Variants in DGKG observed in about 807,000 individuals in gnomAD.
DGKG encodes diacylglycerol kinase gamma.
DGKG carries 78 observed loss-of-function variants against 105.3 expected under a neutral mutation model. The observed-to-expected ratio is 0.74, with a 90% confidence interval of 0.62 to 0.89. DGKG has a LOEUF of 0.89. DGKG is among the 40% of genes least tolerant of loss of function. DGKG has a pLI of 0.00. For missense variants in DGKG, 958 were observed against 1,020.1 expected (o/e 0.94, Z 0.83); for synonymous variants, 346 against 367.1 (o/e 0.94, Z 0.66).
intron 22 of DGKG, among the ~76,000 whole-genome samples, chr3:186,168,772 C>T (rs1360081861): frequency 1.3e-5 from 2 of 152,272 alleles, no homozygotes; most frequent in Admixed American, 1.3e-4. Context: ...ATTGCTTGAA[C>T]CCGGGAGGCA....
chr3:186,328,575 C>CTTTTTTTTTTTTTTT (rs34252507), intron 1 of DGKG, among the ~76,000 whole-genome samples: 3 of 141,124 alleles, frequency 2.1e-5, no homozygotes. Flanking sequence ...CTACACCATT[C>CTTTTTTTTTTTTTTT]TTTTTTTTTT....
At chr3:186,245,211 C>A (rs964889729) in intron 19 of DGKG, among the ~76,000 whole-genome samples, 1 of 152,150 alleles carries the variant, frequency 6.6e-6, no homozygotes, top group African/African-American at 2.4e-5. Flanking sequence ...TGCAAAGATG[C>A]TTTTTACAAA....
intron 8 of DGKG, 119 bp downstream of exon 8, chr3:186,280,551 C>T (rs1722782646): frequency 4.2e-6 from 3 of 722,012 alleles, no homozygotes; most frequent in South Asian, 2.1e-5. Flanking sequence ...AAAGAAGCTG[C>T]CTATAAGAAG....
intron 16 of DGKG, among the ~76,000 whole-genome samples, chr3:186,259,696 C>G (rs758411638): frequency 6.6e-6 from 1 of 151,822 alleles, no homozygotes; most frequent in Admixed American, 6.6e-5. Flanking sequence ...GCCCCGGGCC[C>G]GGGGCCGGCC....
chr3:186,148,624 TA>T lies in DGKG; in HGVS notation c.*1465del, dbSNP rs113023844. The T allele has an allele frequency of 1.1e-5, 11 of 985,424 alleles. No homozygotes were observed. In the African/African-American group the frequency reaches 1.7e-4, roughly 16 times the overall value. The allele number at this position is 985,424 out of a possible 1,614,324, so 61.0% of individuals were successfully genotyped here. On this transcript the variant is annotated 3_prime_UTR_variant, in exon 25 of 25. Coordinates refer to ENST00000265022, the MANE Select transcript of DGKG (RefSeq NM_001346.3). ...CATTAAATATCTTTGTAACGGCACC[TA>T]CTCTCAAGCTGCATTAGCCAAGACA...
chr3:186,231,165 G>A lies in DGKG; in HGVS notation c.1826+11339C>T, dbSNP rs1208367429. Among the ~76,000 whole-genome samples the A allele has an allele frequency of 1.3e-5, 2 of 152,128 alleles. No individual in the cohort carries two copies. The highest frequency in any genetic ancestry group is 4.8e-5 in the African/African-American group (2 of 41,408). ...CACACTTGAGGCCCATTCCCAGTAC[G>A]TTCTCTGTTTCTCTCCAGGAAAAGT... On this transcript the variant is annotated intron_variant, in intron 20 of 24. Transcript: ENST00000265022. The surrounding 1 kb of genome is among the most constrained non-coding windows in gnomAD (Gnocchi z 4.5).
chr3:186,357,237 T>C (rs1296985319), intron 1 of DGKG, among the ~76,000 whole-genome samples: 1 of 152,180 alleles, frequency 6.6e-6, no homozygotes, highest in Non-Finnish European at 1.5e-5. Flanking sequence ...CTTAAGACCC[T>C]GAGCAAAATT....
At chr3:186,243,513 T>C (rs1720785996) in intron 19 of DGKG, among the ~76,000 whole-genome samples, 1 of 152,204 alleles carries the variant, frequency 6.6e-6, no homozygotes, top group Non-Finnish European at 1.5e-5. Context: ...TGAATGATGA[T>C]AGCTCCAAAG....
Position 186,149,024 on chromosome 3 carries a change from A to G in DGKG, c.*1066T>C, listed in dbSNP as rs7622182. On this transcript the variant is annotated 3_prime_UTR_variant, in exon 25 of 25. Transcript: ENST00000265022. ...TATATACACGCACACACACACACAC[A>G]CGCGCGCACACACGTTAAGACCATC... The G allele has an allele frequency of 1.0e-3, 973 of 954,250 alleles. 3 individuals are homozygous for G. The highest frequency in any genetic ancestry group is 2.1e-3 in the African/African-American group (116 of 56,182). The allele number at this position is 954,250 out of a possible 1,614,324, so 59.1% of individuals were successfully genotyped here. A position where few individuals can be genotyped will look rare whatever the true frequency, so the allele number is the denominator to read the frequency against.
At chr3:186,346,020 G>A (rs1726315468) in intron 1 of DGKG, among the ~76,000 whole-genome samples, 1 of 152,112 alleles carries the variant, frequency 6.6e-6, no homozygotes, top group African/African-American at 2.4e-5. Flanking sequence ...ACCTGCCTCG[G>A]CCTCCCAAAG....
At chr3:186,300,375 C>A (rs1400346404) in intron 3 of DGKG, among the ~76,000 whole-genome samples, 3 of 152,164 alleles carry the variant, frequency 2.0e-5, no homozygotes, top group Non-Finnish European at 4.4e-5. Context: ...TGGATCCTAG[C>A]CCATTACCTC....
In DGKG at chr3:186,149,757, A is replaced by G; in HGVS notation, c.*333T>C. ...GGAAACTTGCAGGGCTGGTAGAAAG[A>G]AAGGGGGATTTCCCTTCAGTCTCAG... On this transcript the variant is annotated 3_prime_UTR_variant, in exon 25 of 25. Coordinates refer to ENST00000265022, the MANE Select transcript of DGKG (RefSeq NM_001346.3). 9.4e-7 allele frequency: 1 copy of G among 1,060,104 alleles called. No homozygotes were observed. The highest frequency in any genetic ancestry group is 1.1e-6 in the Non-Finnish European group (1 of 876,750). The allele number at this position is 1,060,104 out of a possible 1,614,324, so 65.7% of individuals were successfully genotyped here.
chr3:186,271,540 C>T (rs1197789894), intron 11 of DGKG, among the ~76,000 whole-genome samples: 1 of 152,156 alleles, frequency 6.6e-6, no homozygotes, highest in Non-Finnish European at 1.5e-5. Context: ...CCCCTGATTT[C>T]TCTCCCACAT....
At chr3:186,310,970 C>T (rs551883050) in intron 2 of DGKG, among the ~76,000 whole-genome samples, 2 of 152,336 alleles carry the variant, frequency 1.3e-5, no homozygotes, top group South Asian at 4.1e-4. Flanking sequence ...GTAAGTCACA[C>T]TTCTTAAACA....
intron 1 of DGKG, among the ~76,000 whole-genome samples, chr3:186,344,895 T>A (rs1326634442): frequency 2.0e-5 from 3 of 152,210 alleles, no homozygotes; most frequent in Admixed American, 1.3e-4. Flanking sequence ...AGAAAATAAA[T>A]TTTATTATGT....
chr3:186,305,084 C>T (rs1305478666), intron 3 of DGKG, among the ~76,000 whole-genome samples: 1 of 152,180 alleles, frequency 6.6e-6, no homozygotes, highest in Non-Finnish European at 1.5e-5. Flanking sequence ...AGATACTTTT[C>T]CAGGCACTGA....
intron 20 of DGKG, among the ~76,000 whole-genome samples, chr3:186,240,158 A>T (rs1720613307): frequency 1.3e-5 from 2 of 151,916 alleles, no homozygotes; most frequent in African/African-American, 4.8e-5. Flanking sequence ...ACTCCTTCGT[A>T]TCTTTTCGTA....
At chr3:186,346,262 G>A (rs903859972) in intron 1 of DGKG, among the ~76,000 whole-genome samples, 9 of 152,062 alleles carry the variant, frequency 5.9e-5, no homozygotes, top group African/African-American at 9.7e-5. Flanking sequence ...CTTGCAGTCC[G>A]TCCATATTTC....
At chr3:186,312,122 CAAAAAAAAAAAAAAAAAAAAAAAAA>C (rs34286105) in intron 2 of DGKG, among the ~76,000 whole-genome samples, 4 of 17,466 alleles carry the variant, frequency 2.3e-4, no homozygotes, top group Non-Finnish European at 3.2e-4. Flanking sequence ...GACTCCGTCT[CAAAAAAAAAAAAAAAAAAAAAAAAA>C]AAAAAAAAAA....
Sources: allele counts gnomAD v4.1 joint callset (sites outside exome capture counted in the v4.1 genomes callset), GRCh38; gene constraint gnomAD v4.1.1; non-coding constraint Gnocchi (gnomAD v3.1); transcripts MANE v1.5; gene names NCBI Gene and HGNC (gene_info 2026-07-23, HGNC 2026-07-21).